The following OR7E24 variants were observed in gnomAD, a reference collection of about 807,000 sequenced individuals.
OR7E24 encodes the protein olfactory receptor family 7 subfamily E member 24, also known as olfactory receptor 7E24.
For synonymous variants in OR7E24, 130 were observed against 157.5 expected (o/e 0.83, Z 1.31); for missense variants, 385 against 410.3 (o/e 0.94, Z 0.53).
the OR7E24 span, chr19:9,213,752 TAAC>T: frequency 0.016 from 9,941 of 636,116 alleles, 755 homozygotes; most frequent in African/African-American, 0.16. Context: ...ACAATAACAA[TAAC>T]AACAACAAAC....
the OR7E24 span, among the ~76,000 whole-genome samples, chr19:9,239,124 C>T: frequency 6.6e-6 from 1 of 152,028 alleles, no homozygotes; most frequent in Non-Finnish European, 1.5e-5. Context: ...TTCCAACCAA[C>T]AGTATGCAAT....
chr19:9,244,413 G>C (rs1286551739), upstream of OR7E24, among the ~76,000 whole-genome samples: 1 of 152,206 alleles, frequency 6.6e-6, no homozygotes, highest in Non-Finnish European at 1.5e-5. Context: ...ATGGTCACAT[G>C]ATTTTCCACA....
chr19:9,234,685 C>T, the OR7E24 span, among the ~76,000 whole-genome samples: 1 of 152,044 alleles, frequency 6.6e-6, no homozygotes, highest in Non-Finnish European at 1.5e-5. Flanking sequence ...TCACATGTCC[C>T]CCATAAATGA....
At chr19:9,234,865 G>C in the OR7E24 span, among the ~76,000 whole-genome samples, 1 of 152,202 alleles carries the variant, frequency 6.6e-6, no homozygotes, top group Admixed American at 6.5e-5. Flanking sequence ...GACATGGCGA[G>C]TCTGCAGTTA....
the OR7E24 span, among the ~76,000 whole-genome samples, chr19:9,221,496 G>A: frequency 1.2e-4 from 18 of 149,648 alleles, no homozygotes; most frequent in African/African-American, 3.4e-4. Context: ...GATTACAGGC[G>A]CCTGCCACGA....
the OR7E24 span, among the ~76,000 whole-genome samples, chr19:9,230,240 T>TC: frequency 6.6e-6 from 1 of 152,042 alleles, no homozygotes; most frequent in African/African-American, 2.4e-5. Flanking sequence ...AGACGGGGTT[T>TC]CTCCATGTTG....
At chr19:9,241,822 T>A in the OR7E24 span, among the ~76,000 whole-genome samples, 1 of 152,140 alleles carries the variant, frequency 6.6e-6, no homozygotes, top group South Asian at 2.1e-4. Context: ...GCTCTTTTTC[T>A]CCTGAAAATC....
the OR7E24 span, among the ~76,000 whole-genome samples, chr19:9,234,065 G>A: frequency 6.6e-6 from 1 of 152,144 alleles, no homozygotes; most frequent in Admixed American, 6.6e-5. Context: ...CACCACGCCT[G>A]GCAATTTTTT....
chr19:9,237,811 A>G, the OR7E24 span, among the ~76,000 whole-genome samples: 1 of 152,206 alleles, frequency 6.6e-6, no homozygotes, highest in Non-Finnish European at 1.5e-5. Context: ...CTTAGTTTCC[A>G]TCAGTTGGGG....
the OR7E24 span, among the ~76,000 whole-genome samples, chr19:9,233,540 T>C: frequency 3.3e-5 from 5 of 152,198 alleles, no homozygotes; most frequent in African/African-American, 1.2e-4. Flanking sequence ...CTTTTTTCTC[T>C]TCTTGGAAGA....
the OR7E24 span, among the ~76,000 whole-genome samples, chr19:9,221,677 C>G: frequency 6.6e-6 from 1 of 151,914 alleles, no homozygotes; most frequent in Non-Finnish European, 1.5e-5. Context: ...AAAATTGGGT[C>G]GTTTTCTTCC....
the OR7E24 span, among the ~76,000 whole-genome samples, chr19:9,237,280 T>A: frequency 1.3e-5 from 2 of 151,964 alleles, no homozygotes; most frequent in Non-Finnish European, 2.9e-5. Flanking sequence ...CTTTCCTTGT[T>A]CCTCTAGGTT....
At chr19:9,250,386 C>T (rs2066141917), upstream of OR7E24, among the ~76,000 whole-genome samples, 1 of 152,160 alleles carries the variant, frequency 6.6e-6, no homozygotes, top group South Asian at 2.1e-4. Context: ...TGAGCCACCA[C>T]CCTGGGCTAC....
At chr19:9,214,079 T>C in the OR7E24 span, 1 of 1,614,150 alleles carries the variant, frequency 6.2e-7, no homozygotes, top group Non-Finnish European at 8.5e-7. Flanking sequence ...CAAGTCCTGT[T>C]CCATAGAACA....
the OR7E24 span, among the ~76,000 whole-genome samples, chr19:9,230,043 T>C: frequency 7.9e-6 from 1 of 126,464 alleles, no homozygotes; most frequent in East Asian, 2.1e-4. Flanking sequence ...CTGAAGTTCC[T>C]GTATTTTTTT....
the OR7E24 span, chr19:9,235,665 T>C: frequency 2.5e-6 from 4 of 1,594,678 alleles, no homozygotes; most frequent in Admixed American, 3.3e-5. Flanking sequence ...GCACTGAGAT[T>C]CCGCATTTCT....
chr19:9,227,150 C>G, the OR7E24 span, among the ~76,000 whole-genome samples: 2 of 152,108 alleles, frequency 1.3e-5, no homozygotes, highest in Non-Finnish European at 2.9e-5. Context: ...GCGGTATTTG[C>G]TTTTCTGTTC....
upstream of OR7E24, among the ~76,000 whole-genome samples, chr19:9,244,984 A>C (rs1439722161): frequency 6.6e-6 from 1 of 152,128 alleles, no homozygotes; most frequent in East Asian, 1.9e-4. Context: ...CGGGCAGATC[A>C]CCTGAGGTCA....
At chr19:9,238,290 CAAAAAT>C in the OR7E24 span, among the ~76,000 whole-genome samples, 1 of 151,184 alleles carries the variant, frequency 6.6e-6, no homozygotes, top group African/African-American at 2.4e-5. Context: ...CTCAAAAAAA[CAAAAAT>C]AAACAAAAAA....
Sources: allele counts gnomAD v4.1 joint callset (sites outside exome capture counted in the v4.1 genomes callset), GRCh38; gene constraint gnomAD v4.1.1; transcripts MANE v1.5; gene names NCBI Gene and HGNC (gene_info 2026-07-23, HGNC 2026-07-21).